JAKMIP2: variants seen among roughly 807,000 people sequenced by gnomAD.
JAKMIP2 encodes janus kinase and microtubule-interacting protein 2.
JAKMIP2 carries 25 observed loss-of-function variants against 115.0 expected under a neutral mutation model. The ratio of observed to expected loss-of-function variants is 0.22; its 90% confidence interval spans 0.16 to 0.30. The LOEUF (loss-of-function observed/expected upper bound fraction) is 0.30. JAKMIP2 is among the 10% of genes least tolerant of loss of function. The pLI is 1.00. For synonymous variants in JAKMIP2, 334 were observed against 343.6 expected (o/e 0.97, Z 0.31); for missense variants, 642 against 957.6 (o/e 0.67, Z 4.35).
At chr5:147,645,396 C>G (rs867112279) in intron 5 of JAKMIP2, among the ~76,000 whole-genome samples, 5 of 152,234 alleles carry the variant, frequency 3.3e-5, no homozygotes, top group Non-Finnish European at 7.4e-5. Flanking sequence ...CCAGACCACA[C>G]GGCCACTAAG....
In JAKMIP2 at chr5:147,743,528, G is replaced by A. The variant is rs374092131; in HGVS notation, c.-149+38928C>T. Among the ~76,000 whole-genome samples, 8 of 152,298 alleles carry A rather than the reference G, an allele frequency of 5.3e-5. No homozygotes were observed. In the East Asian group the frequency reaches 1.2e-3, roughly 22 times the overall value. The stretch of plus-strand genomic sequence containing the variant: ...GGATTAGGTTGAGGTTTGACACACA[G>A]AAACCTGGATTAGTAATTTATCCTT... On this transcript the variant is annotated intron_variant, in intron 1 of 21. Transcript: ENST00000616793.
chr5:147,671,553 C>A, intron 2 of JAKMIP2, 125 bp downstream of exon 2: 1 of 658,264 alleles, frequency 1.5e-6, no homozygotes, highest in Non-Finnish European at 2.2e-6. Flanking sequence ...TTACAGGGGA[C>A]GTTGCCCTCT....
At chr5:147,739,314 G>A (rs1304187149) in intron 1 of JAKMIP2, among the ~76,000 whole-genome samples, 2 of 152,050 alleles carry the variant, frequency 1.3e-5, no homozygotes, top group Non-Finnish European at 2.9e-5. Flanking sequence ...TTCTCTAGCG[G>A]GTCAAAGAAT....
At chr5:147,704,688 G>A (rs1752499432) in intron 1 of JAKMIP2, among the ~76,000 whole-genome samples, 1 of 152,140 alleles carries the variant, frequency 6.6e-6, no homozygotes, top group African/African-American at 2.4e-5. Flanking sequence ...AATTGCCCCA[G>A]TCATTACTCA....
intron 4 of JAKMIP2, among the ~76,000 whole-genome samples, chr5:147,648,944 C>T (rs935910452): frequency 1.3e-5 from 2 of 152,160 alleles, no homozygotes; most frequent in Admixed American, 6.5e-5. Context: ...TTCCTTCATA[C>T]TCCTGAAGAA....
chr5:147,594,337 C>CTT, intron 21 of JAKMIP2: 4 of 366,822 alleles, frequency 1.1e-5, no homozygotes, highest in Admixed American at 2.8e-5. Context: ...GCTACAAATT[C>CTT]TTTTTTTTTC....
chr5:147,623,605 C>A lies in JAKMIP2; in HGVS notation c.2064+16G>T, dbSNP rs368392768. 1 of 1,539,426 alleles carries A rather than the reference C, an allele frequency of 6.5e-7. No individual in the cohort carries two copies. Among genetic ancestry groups the A allele is most frequent in the African/African-American group, 1.4e-5 (1 of 73,352 alleles). On this transcript the variant is annotated intron_variant, in intron 17 of 21. Transcript: ENST00000616793. ...AAGTTTTTCTTAATTTTTACAATAT[C>A]TCATCTTGTACTTACCATGTCACTT...
At chr5:147,706,533 C>A (rs1339970603) in intron 1 of JAKMIP2, among the ~76,000 whole-genome samples, 2 of 152,086 alleles carry the variant, frequency 1.3e-5, no homozygotes, top group East Asian at 1.9e-4. Context: ...TAACAGATAT[C>A]TCTTTAAAAA....
intron 1 of JAKMIP2, among the ~76,000 whole-genome samples, chr5:147,734,384 C>T (rs563646501): frequency 6.6e-6 from 1 of 151,712 alleles, no homozygotes; most frequent in African/African-American, 2.4e-5. Context: ...CCATCATTCT[C>T]AGCAAACTAA....
chr5:147,666,542 C>T (rs879430896), intron 2 of JAKMIP2, among the ~76,000 whole-genome samples: 1 of 152,140 alleles, frequency 6.6e-6, no homozygotes, highest in Non-Finnish European at 1.5e-5. Context: ...TTTAACCTCC[C>T]GGGCGGCTCT....
chr5:147,744,200 C>T (rs938081107), intron 1 of JAKMIP2, among the ~76,000 whole-genome samples: 1 of 152,052 alleles, frequency 6.6e-6, no homozygotes, highest in Non-Finnish European at 1.5e-5. Flanking sequence ...AGGAGAGGAC[C>T]CAGGATGGCT....
At chr5:147,628,856 CATT>C in intron 15 of JAKMIP2, 40 bp from the exon 16 acceptor site, 1 of 1,455,282 alleles carries the variant, frequency 6.9e-7, no homozygotes, top group African/African-American at 1.4e-5. Flanking sequence ...AACATACTGA[CATT>C]ATTTACCCCA....
chr5:147,697,758 G>C (rs181352869), intron 1 of JAKMIP2, among the ~76,000 whole-genome samples: 1 of 152,346 alleles, frequency 6.6e-6, no homozygotes, highest in African/African-American at 2.4e-5. Context: ...TGAGGTTTGG[G>C]AACCTCTGCC....
chr5:147,675,751 C>A lies in JAKMIP2; in HGVS notation c.-148-3797G>T, dbSNP rs567294242. 4.2e-4 allele frequency among the ~76,000 whole-genome samples: 60 copies of A among 144,234 alleles called. 1 individual carries two copies. The highest frequency in any genetic ancestry group is 1.4e-3 in the African/African-American group (57 of 39,586). The allele number at this position is 144,234 out of a possible 152,430, so 94.6% of individuals were successfully genotyped here. ...AGTTTTGTCTCTGGATTTGTCTGTT[C>A]TGGACATTTTGTATAAGTGGAATCA... On this transcript the variant is annotated intron_variant, in intron 1 of 21. Transcript: ENST00000616793.
At chr5:147,600,121 A>C (rs10875623) in intron 21 of JAKMIP2, among the ~76,000 whole-genome samples, 94,041 of 116,108 alleles carry the variant, frequency 0.81, 38,174 homozygotes, top group Non-Finnish European at 0.87. Flanking sequence ...TGGTGGGGGG[A>C]GGCTGTTTGT....
At chr5:147,704,315 C>T (rs751595299) in intron 1 of JAKMIP2, among the ~76,000 whole-genome samples, 4 of 152,134 alleles carry the variant, frequency 2.6e-5, no homozygotes, top group Non-Finnish European at 5.9e-5. Context: ...ACCACAAACA[C>T]GTGAGTGATG....
At chr5:147,690,542 TATATATATA>T (rs1751787097) in intron 1 of JAKMIP2, among the ~76,000 whole-genome samples, 3 of 1,750 alleles carry the variant, frequency 1.7e-3, no homozygotes, top group Admixed American at 5.8e-3. Flanking sequence ...AAAGAGATTA[TATATATATA>T]TATATATATA....
At chr5:147,635,414 T>TA (rs1004299861) in intron 12 of JAKMIP2, among the ~76,000 whole-genome samples, 57 of 147,826 alleles carry the variant, frequency 3.9e-4, no homozygotes, top group Admixed American at 2.7e-4. Flanking sequence ...AATCTTTCAT[T>TA]AAAAAAAAAA....
At chr5:147,759,504 T>C (rs898024357) in intron 1 of JAKMIP2, among the ~76,000 whole-genome samples, 2 of 152,044 alleles carry the variant, frequency 1.3e-5, no homozygotes, top group African/African-American at 4.8e-5. Flanking sequence ...AGAGTGCTAG[T>C]GGTGGACAAG....
Sources: gnomAD v4.1 joint callset for allele counts (sites outside exome capture counted in the v4.1 genomes callset) on GRCh38, gnomAD v4.1.1 for gene constraint, MANE v1.5 for transcripts, NCBI Gene and HGNC (gene_info 2026-07-23, HGNC 2026-07-21) for gene names.